Variants in CYP2B6 observed in about 807,000 individuals in gnomAD.
The protein encoded by CYP2B6 is cytochrome P450 family 2 subfamily B member 6, also known as cytochrome P450 2B6.
Under a neutral mutation model 43.4 loss-of-function variants are expected in CYP2B6, and 35 were observed. The observed-to-expected ratio is 0.81, with a 90% CI of 0.62 to 1.07. The LOEUF is 1.07. Among genes scored for constraint, CYP2B6 ranks in the 50% least tolerant of loss-of-function variants. CYP2B6 has a pLI of 0.00. For synonymous variants in CYP2B6, 239 were observed against 239.2 expected (o/e 1.00, Z 0.01); for missense variants, 624 against 632.8 (o/e 0.99, Z 0.15).
intron 1 of CYP2B6, among the ~76,000 whole-genome samples, chr19:40,992,047 C>A (rs1370401648): frequency 1.3e-5 from 2 of 151,858 alleles, no homozygotes; most frequent in African/African-American, 4.8e-5. Flanking sequence ...ACTAAAAATA[C>A]AAATATTAGC....
intron 3 of CYP2B6, among the ~76,000 whole-genome samples, chr19:41,006,282 A>C (rs1193500954): frequency 6.7e-6 from 1 of 148,494 alleles, no homozygotes; most frequent in Non-Finnish European, 1.5e-5. Context: ...CCCCTGGACT[A>C]TTTCAACTGG....
intron 1 of CYP2B6, among the ~76,000 whole-genome samples, chr19:40,996,219 C>A (rs1337915424): frequency 2.0e-5 from 3 of 152,126 alleles, no homozygotes; most frequent in Admixed American, 6.5e-5. Context: ...TGTGGTCATA[C>A]TTTGCAGCAA....
At chr19:40,993,471 G>C (rs1042311538) in intron 1 of CYP2B6, among the ~76,000 whole-genome samples, 1 of 152,156 alleles carries the variant, frequency 6.6e-6, no homozygotes, top group Non-Finnish European at 1.5e-5. Flanking sequence ...AGGAAAAAGA[G>C]AGAGAGCCAA....
At chr19:41,014,180 C>T (rs564248106) in intron 8 of CYP2B6, among the ~76,000 whole-genome samples, 1 of 152,320 alleles carries the variant, frequency 6.6e-6, no homozygotes, top group African/African-American at 2.4e-5. Flanking sequence ...CAGGGTTTGG[C>T]CCAGCCCCCG....
intron 3 of CYP2B6, among the ~76,000 whole-genome samples, chr19:41,006,163 T>TAAGTGATACCTGTA (rs1969180465): frequency 6.6e-6 from 1 of 151,630 alleles, no homozygotes; most frequent in African/African-American, 2.4e-5. Context: ...TTTTATTTGT[T>TAAGTGATACCTGTA]TTAAATTAGA....
intron 8 of CYP2B6, 128 bp downstream of exon 8, chr19:41,012,943 C>G: frequency 3.7e-6 from 4 of 1,080,330 alleles, no homozygotes; most frequent in Non-Finnish European, 5.7e-6. Flanking sequence ...CCTGCCTTAT[C>G]CCATTCCATC....
chr19:41,008,092 T>G (rs1021383296), intron 4 of CYP2B6, among the ~76,000 whole-genome samples: 1 of 152,056 alleles, frequency 6.6e-6, no homozygotes, highest in Non-Finnish European at 1.5e-5. Flanking sequence ...GTAAAGGCAG[T>G]CTTCTGCTCT....
intron 5 of CYP2B6, 25 bp from the exon 6 acceptor site, chr19:41,009,969 C>T (rs1366541418): frequency 3.7e-6 from 6 of 1,613,944 alleles, no homozygotes; most frequent in Non-Finnish European, 5.1e-6. Context: ...CTGACCCTCC[C>T]CTTCCTTCCC....
intron 8 of CYP2B6, chr19:41,013,086 AT>A: frequency 2.2e-6 from 1 of 462,204 alleles, no homozygotes; most frequent in Non-Finnish European, 4.0e-6. Flanking sequence ...AAAAGAAAAA[AT>A]CTGTTGGGCA....
rs146617126 is a variant in CYP2B6 at position 41,010,028 on chromosome 19, A to G, written c.857A>G (p.Gln286Arg). 18 of 1,614,064 alleles carry G rather than the reference A, an allele frequency of 1.1e-5. No homozygotes were observed. The highest frequency in any genetic ancestry group is 2.7e-5 in the African/African-American group (2 of 74,926). The change falls in exon 6 of 9, where the codon CAG becomes CGG. Residue 286 changes from glutamine to arginine, a missense_variant. Coordinates refer to ENST00000324071, the MANE Select transcript of CYP2B6 (RefSeq NM_000767.5). The part of the protein sequence containing the change: ...KSNAHSEFSH[Q>R]NLNLNTLSLF... ...AACGCACACAGTGAATTCAGCCACC[A>G]GAACCTCAACCTCAACACGCTCTCG...
intron 6 of CYP2B6, among the ~76,000 whole-genome samples, chr19:41,010,893 T>G (rs1253766820): frequency 6.6e-6 from 1 of 152,174 alleles, no homozygotes; most frequent in Non-Finnish European, 1.5e-5. Context: ...GAACATGCAA[T>G]ATTTGACTTT....
chr19:41,004,116 C>T lies in CYP2B6; in HGVS notation c.287C>T (p.Ser96Phe). 7 of 1,441,570 alleles carry T rather than the reference C, an allele frequency of 4.9e-6. No homozygotes were observed. The highest frequency in any genetic ancestry group is 6.5e-6 in the Non-Finnish European group (7 of 1,075,940). 89.3% of individuals were successfully genotyped at this position (1,441,570 alleles called of 1,614,324 possible). A position where few individuals can be genotyped will look rare whatever the true frequency, so the allele number is the denominator to read the frequency against. ...EALVDKAEAF[S>F]GRGKIAMVDP... The stretch of plus-strand genomic sequence containing the variant: ...CTTGTGGACAAGGCTGAGGCCTTCT[C>T]TGGCCGGGGAAAAATCGCCATGGTC... The change falls in exon 2 of 9, where the codon TCT becomes TTT. Residue 96 changes from serine (S) to phenylalanine (F), a missense_variant. By Grantham distance (155) the Ser-to-Phe change is radical (BLOSUM62 -2). Transcript: ENST00000324071.
chr19:41,015,397 TC>T (rs906128581), intron 8 of CYP2B6, among the ~76,000 whole-genome samples: 1 of 152,164 alleles, frequency 6.6e-6, no homozygotes, highest in African/African-American at 2.4e-5. Flanking sequence ...TGGACACTTT[TC>T]CAAACACCTC....
intron 1 of CYP2B6, among the ~76,000 whole-genome samples, chr19:40,993,057 AG>A (rs1351224922): frequency 3.9e-5 from 6 of 152,168 alleles, no homozygotes; most frequent in African/African-American, 1.4e-4. Flanking sequence ...CAGACAATAA[AG>A]ATAGTTCAAT....
chr19:40,996,115 T>C (rs979560961), intron 1 of CYP2B6, among the ~76,000 whole-genome samples: 7 of 152,064 alleles, frequency 4.6e-5, no homozygotes, highest in African/African-American at 1.5e-4. Context: ...TGTAATAAAC[T>C]TTGAGGGATG....
intron 1 of CYP2B6, among the ~76,000 whole-genome samples, chr19:40,996,972 G>A (rs759305629): frequency 1.3e-5 from 2 of 152,130 alleles, no homozygotes; most frequent in East Asian, 3.8e-4. Flanking sequence ...TGTCCTTGGA[G>A]GGGTGAATGG....
At chr19:41,010,726 A>G (rs557638532) in intron 6 of CYP2B6, among the ~76,000 whole-genome samples, 20 of 152,198 alleles carry the variant, frequency 1.3e-4, no homozygotes, top group African/African-American at 4.8e-4. Context: ...TTGGGCTGTT[A>G]GGGTATTTAT....
At chr19:40,994,101 C>CA (rs1341038604) in intron 1 of CYP2B6, among the ~76,000 whole-genome samples, 1 of 152,052 alleles carries the variant, frequency 6.6e-6, no homozygotes, top group Non-Finnish European at 1.5e-5. Flanking sequence ...CCCAGGAACC[C>CA]AACTGGAACC....
intron 5 of CYP2B6, chr19:41,009,625 G>C: frequency 1.6e-6 from 1 of 623,298 alleles, no homozygotes; most frequent in Admixed American, 2.9e-5. Context: ...AGGGGAGGTG[G>C]GAAGACAGAA....
Sources: gnomAD v4.1 joint callset for allele counts (sites outside exome capture counted in the v4.1 genomes callset) on GRCh38, gnomAD v4.1.1 for gene constraint, MANE v1.5 for transcripts, NCBI Gene and HGNC (gene_info 2026-07-23, HGNC 2026-07-21) for gene names.